Variants in SENP7 observed in about 807,000 individuals in gnomAD.
The protein encoded by SENP7 is sentrin-specific protease 7.
Under a neutral mutation model 141.2 loss-of-function variants are expected in SENP7, and 64 were observed. The observed-to-expected ratio is 0.45, with a 90% CI of 0.37 to 0.56. The LOEUF is 0.56. Among genes scored for constraint, SENP7 ranks in the 20% least tolerant of loss-of-function variants. The pLI, the probability that SENP7 is intolerant of heterozygous loss-of-function variation, is 0.00. For missense variants in SENP7, 1,025 were observed against 1,212.2 expected, an observed-to-expected ratio of 0.85 and a Z score of 2.29; for synonymous variants, 382 against 426.4, an observed-to-expected ratio of 0.90 and a Z score of 1.28.
chr3:101,345,221 G>C (rs1272035595), intron 13 of SENP7, among the ~76,000 whole-genome samples: 1 of 133,920 alleles, frequency 7.5e-6, no homozygotes, highest in African/African-American at 2.6e-5. Context: ...ATGAATTTTA[G>C]GATTGTTTTT....
At chr3:101,375,318 G>A (rs572764732) in intron 6 of SENP7, among the ~76,000 whole-genome samples, 2 of 151,828 alleles carry the variant, frequency 1.3e-5, no homozygotes, top group South Asian at 2.1e-4. Context: ...TGAGGCGGGC[G>A]GATCACCTGA....
intron 7 of SENP7, among the ~76,000 whole-genome samples, chr3:101,369,014 A>AT (rs1174214976): frequency 2.0e-5 from 3 of 152,206 alleles, no homozygotes; most frequent in Non-Finnish European, 2.9e-5. Context: ...AGACCCTGTC[A>AT]TTTTAAGTCT....
At chr3:101,362,392 C>G (rs540925791) in intron 10 of SENP7, among the ~76,000 whole-genome samples, 3 of 152,296 alleles carry the variant, frequency 2.0e-5, no homozygotes, top group African/African-American at 7.2e-5. Context: ...GCACGTTTCT[C>G]TCTCCAGGTC....
At chr3:101,485,356 T>C (rs1340450665) in intron 3 of SENP7, among the ~76,000 whole-genome samples, 1 of 151,870 alleles carries the variant, frequency 6.6e-6, no homozygotes, top group East Asian at 1.9e-4. Context: ...TAGAGTCCAT[T>C]GCACCCCGCC....
intron 3 of SENP7, among the ~76,000 whole-genome samples, chr3:101,473,895 G>T (rs544379334): frequency 2.6e-5 from 4 of 152,128 alleles, no homozygotes; most frequent in African/African-American, 9.7e-5. Flanking sequence ...AATCCATCTC[G>T]AGCTAATTTT....
intron 6 of SENP7, among the ~76,000 whole-genome samples, chr3:101,378,149 A>G (rs1486923940): frequency 6.6e-6 from 1 of 151,768 alleles, no homozygotes; most frequent in Non-Finnish European, 1.5e-5. Flanking sequence ...CGTCATGTCC[A>G]ACTATCCAAA....
At chr3:101,513,212 GGAAAAAAA>G (rs2065941933), upstream of SENP7, 615 of 135,946 alleles carry the variant, frequency 4.5e-3, 10 homozygotes, top group African/African-American at 0.023. Context: ...GGAGGGGAAA[GGAAAAAAA>G]AAAAAAAAAA....
intron 9 of SENP7, among the ~76,000 whole-genome samples, chr3:101,365,883 T>A (rs2107385059): frequency 6.6e-6 from 1 of 152,252 alleles, no homozygotes; most frequent in East Asian, 1.9e-4. Context: ...AGTAACAAAT[T>A]CTAGTTCTAA....
At chr3:101,394,191 G>C (rs2060896175) in intron 6 of SENP7, among the ~76,000 whole-genome samples, 1 of 152,104 alleles carries the variant, frequency 6.6e-6, no homozygotes, top group South Asian at 2.1e-4. Flanking sequence ...ACATGTGAGA[G>C]AGAACATCCA....
chr3:101,414,622 A>G (rs2061555787), intron 5 of SENP7: 1 of 1,579,242 alleles, frequency 6.3e-7, no homozygotes, highest in Non-Finnish European at 8.7e-7. Flanking sequence ...TCTCTTAGCC[A>G]TTGGGAAATA....
At chr3:101,392,454 G>C (rs2060842612) in intron 6 of SENP7, among the ~76,000 whole-genome samples, 1 of 152,100 alleles carries the variant, frequency 6.6e-6, no homozygotes, top group South Asian at 2.1e-4. Context: ...AATAGCTACA[G>C]AATAAAATAA....
chr3:101,375,392 AATT>A (rs1175390635), intron 6 of SENP7, among the ~76,000 whole-genome samples: 6 of 151,858 alleles, frequency 4.0e-5, no homozygotes, highest in African/African-American at 1.5e-4. Context: ...CTAATACAAA[AATT>A]AGCCAGGCGT....
intron 6 of SENP7, among the ~76,000 whole-genome samples, chr3:101,388,800 GA>G (rs561095230): frequency 6.4e-5 from 9 of 140,816 alleles, no homozygotes; most frequent in East Asian, 2.1e-4. Context: ...TAGATATCCA[GA>G]AAAAAAAAAG....
At chr3:101,424,627 A>G (rs2061897727) in intron 4 of SENP7, among the ~76,000 whole-genome samples, 1 of 151,946 alleles carries the variant, frequency 6.6e-6, no homozygotes, top group African/African-American at 2.4e-5. Context: ...AAGCACAAAG[A>G]CCTGTACCCA....
chr3:101,371,926 AAAT>A (rs572463992), intron 7 of SENP7, 79 bp downstream of exon 7: 140 of 499,164 alleles, frequency 2.8e-4, no homozygotes, highest in African/African-American at 2.4e-3. Flanking sequence ...AAGTAAAATA[AAAT>A]AATTTATTTA....
At position 101,341,747 on chromosome 3, in the gene SENP7, G is replaced by T; in HGVS notation, c.2139C>A (p.Tyr713Ter). 6.2e-7 allele frequency: 1 copy of T among 1,610,296 alleles called. No homozygotes were observed. The highest frequency in any genetic ancestry group is 8.5e-7 in the Non-Finnish European group (1 of 1,177,070). Residue 713 changes from tyrosine to a stop codon, truncating the protein, a stop_gained, in exon 15 of 24, where the codon TAC becomes TAA. Transcript: ENST00000394095. LOFTEE classifies it high-confidence loss of function. ...PSNTDAAKPT[Y>*]TFLQKQSSGC... ...CGCTACTTTGCTTCTGCAGGAAGGTGTAAGTAGGCTTGGCCGCATCTGTGT... is the reference window on the plus strand; with the variant it reads ...CGCTACTTTGCTTCTGCAGGAAGGTTTAAGTAGGCTTGGCCGCATCTGTGT...
intron 3 of SENP7, among the ~76,000 whole-genome samples, chr3:101,470,059 TG>T (rs1219148964): frequency 6.6e-6 from 1 of 152,098 alleles, no homozygotes; most frequent in African/African-American, 2.4e-5. Flanking sequence ...CAAGAATCTC[TG>T]GGACATATTT....
rs550744780 is a variant in SENP7 at position 101,493,982 on chromosome 3, G to A, written c.91-14C>T. 8.6e-6 allele frequency: 13 copies of A among 1,517,376 alleles called. No individual in the cohort carries two copies. The highest frequency in any genetic ancestry group is 1.4e-5 in the African/African-American group (1 of 73,138). 94.0% of individuals were successfully genotyped at this position (1,517,376 alleles called of 1,614,324 possible). A position where few individuals can be genotyped will look rare whatever the true frequency, so the allele number is the denominator to read the frequency against. On this transcript the variant is annotated splice_polypyrimidine_tract_variant and intron_variant, in intron 2 of 23. Coordinates refer to ENST00000394095, the MANE Select transcript of SENP7 (RefSeq NM_020654.5). ...CATCTTTCTTATCTGAAAATAGGAT[G>A]AGAAAATAATTAGTTTAATTGAACT...
intron 6 of SENP7, among the ~76,000 whole-genome samples, chr3:101,384,025 T>C (rs970493804): frequency 6.6e-6 from 1 of 152,192 alleles, no homozygotes; most frequent in Non-Finnish European, 1.5e-5. Context: ...TAAAAACCCC[T>C]GGACTCAGCC....
Sources: gnomAD v4.1 joint callset for allele counts (sites outside exome capture counted in the v4.1 genomes callset) on GRCh38, gnomAD v4.1.1 for gene constraint, MANE v1.5 for transcripts, NCBI Gene and HGNC (gene_info 2026-07-23, HGNC 2026-07-21) for gene names.